Variants in HAPLN4 observed in about 807,000 individuals in gnomAD.
The protein encoded by HAPLN4 is hyaluronan and proteoglycan link protein 4.
Under a neutral mutation model 28.0 loss-of-function variants are expected in HAPLN4, and 19 were observed. The observed-to-expected ratio is 0.68, with a 90% CI of 0.47 to 1.00. The LOEUF (loss-of-function observed/expected upper bound fraction) is 1.00. Among genes scored for constraint, HAPLN4 ranks in the 50% least tolerant of loss-of-function variants. The pLI is 0.00. For synonymous variants in HAPLN4, 274 were observed against 273.0 expected (o/e 1.00, Z -0.03); for missense variants, 587 against 602.6 (o/e 0.97, Z 0.27).
intron 1 of HAPLN4, 21 bp downstream of exon 1, chr19:19,262,709 C>G (rs772525584): frequency 1.2e-6 from 2 of 1,612,298 alleles, no homozygotes; most frequent in Non-Finnish European, 1.7e-6. Context: ...ACACACCACC[C>G]GCGCCCGCAG....
Position 19,258,408 on chromosome 19 carries a change from C to T in HAPLN4, c.817+115G>A, listed in dbSNP as rs1261778012. The T allele has an allele frequency of 1.3e-5, 16 of 1,201,884 alleles. No individual in the cohort carries two copies. The highest frequency in any genetic ancestry group is 1.8e-5 in the Non-Finnish European group (15 of 854,626). The allele number at this position is 1,201,884 out of a possible 1,614,324, so 74.5% of individuals were successfully genotyped here. Reference sequence around the variant, plus strand: ...CCAGGCGGTGTGTGCTGCGCCTAGGCACTCTTGGGAGAGGGGTCTCCTGTT... The same window carrying T: ...CCAGGCGGTGTGTGCTGCGCCTAGGTACTCTTGGGAGAGGGGTCTCCTGTT... On this transcript the variant is annotated intron_variant, in intron 4 of 4. Transcript: ENST00000291481. This position sits in a 1 kb window ranked among gnomAD's most constrained non-coding sequence, Gnocchi z 6.2.
Position 19,258,225 on chromosome 19 carries a change from GGGGGT to G in HAPLN4, c.818-22_818-18del, listed in dbSNP as rs1369316735. ...ACACGCGCCCTGCGGGGGTGAGGTG[GGGGGT>G]GGGTTATTAGTGCGGCTCCTGGGAC... On this transcript the variant is annotated intron_variant, in intron 4 of 4. Coordinates refer to ENST00000291481, the MANE Select transcript of HAPLN4 (RefSeq NM_023002.3). This position sits in a 1 kb window ranked among gnomAD's most constrained non-coding sequence, Gnocchi z 6.2. 1 of 1,466,682 alleles carries G rather than the reference GGGGGT, an allele frequency of 6.8e-7. No individual in the cohort carries two copies. The highest frequency in any genetic ancestry group is 2.5e-5 in the East Asian group (1 of 40,134). The allele number at this position is 1,466,682 out of a possible 1,614,324, so 90.9% of individuals were successfully genotyped here.
At position 19,260,802 on chromosome 19, in the gene HAPLN4, C is replaced by T. The variant is rs763710694; in HGVS notation, c.484+11G>A. ...CAGAAGCAAGGTTTATCCTCCCCAC[C>T]GGCTGATCACCTTCCAGGTCCAGCT... is the stretch of plus-strand genomic sequence containing the variant. On this transcript the variant is annotated intron_variant, in intron 3 of 4. Coordinates refer to ENST00000291481, the MANE Select transcript of HAPLN4 (RefSeq NM_023002.3). 17 of 1,600,700 alleles carry T rather than the reference C, an allele frequency of 1.1e-5. No individual in the cohort carries two copies. In the South Asian group the frequency reaches 1.4e-4, roughly 13 times the overall value.
Position 19,256,000 on chromosome 19 carries a change from CTT to C in HAPLN4, c.*1815_*1816del, listed in dbSNP as rs2060964587. On this transcript the variant is annotated 3_prime_UTR_variant, in exon 5 of 5. Transcript: ENST00000291481. ...GAGGACTTCGGCTGGGTCCTGACCTCTTAGCACAGATCGCCGCTTAGAGCCTG... is the reference window on the plus strand; with the variant it reads ...GAGGACTTCGGCTGGGTCCTGACCTCAGCACAGATCGCCGCTTAGAGCCTG... 1 of 152,222 alleles carries C rather than the reference CTT, an allele frequency of 6.6e-6. No individual in the cohort carries two copies. The highest frequency in any genetic ancestry group is 1.5e-5 in the Non-Finnish European group (1 of 68,050). The allele number at this position is 152,222 out of a possible 1,614,324, so 9.4% of individuals were successfully genotyped here.
chr19:19,262,771 C>A lies in HAPLN4; in HGVS notation c.-39G>T, dbSNP rs1158895897. Reference sequence around the variant, plus strand: ...CCCCCGCCGAGCGGCCCCTACGCACCCGGACTGCGCTCCCCGCACACCCGG... The same window carrying A: ...CCCCCGCCGAGCGGCCCCTACGCACACGGACTGCGCTCCCCGCACACCCGG... On this transcript the variant is annotated 5_prime_UTR_variant, in exon 1 of 5. Transcript: ENST00000291481. The A allele has an allele frequency of 6.2e-7, 1 of 1,604,490 alleles. No individual in the cohort carries two copies. Among genetic ancestry groups the A allele is most frequent in the Non-Finnish European group, 8.5e-7 (1 of 1,175,318 alleles).
rs1252953135 is a variant in HAPLN4 at position 19,258,149 on chromosome 19, ACG to A, written c.875_876del (p.Ala292ValfsTer115). 2 of 1,540,664 alleles carry A rather than the reference ACG, an allele frequency of 1.3e-6. No homozygotes were observed. Among genetic ancestry groups the A allele is most frequent in the East Asian group, 2.4e-5 (1 of 42,458 alleles). On this transcript the variant is annotated frameshift_variant, in exon 5 of 5. Coordinates refer to ENST00000291481, the MANE Select transcript of HAPLN4 (RefSeq NM_023002.3). LOFTEE classifies it low-confidence loss of function (END_TRUNC). The surrounding 1 kb of genome is among the most constrained non-coding windows in gnomAD (Gnocchi z 6.2). ...RPVPFSGAAR[A>X]CAARGAAVAK... The stretch of plus-strand genomic sequence containing the variant: ...GCCACGGCCGCGCCACGCGCAGCAC[ACG>A]CGCGCGCAGCTCCGGAGAAGGGTAC...
chr19:19,261,629 C>G, intron 1 of HAPLN4, 66 bp from the exon 2 acceptor site: 4 of 1,080,970 alleles, frequency 3.7e-6, no homozygotes, highest in Non-Finnish European at 5.1e-6. Context: ...GCCTGGCTCC[C>G]TCCCGGGCCT....
chr19:19,257,000 G>T lies in HAPLN4; in HGVS notation c.*817C>A. 1 of 152,724 alleles carries T rather than the reference G, an allele frequency of 6.5e-6. No individual in the cohort carries two copies. Among genetic ancestry groups the T allele is most frequent in the Non-Finnish European group, 1.5e-5 (1 of 68,054 alleles). 9.5% of individuals were successfully genotyped at this position (152,724 alleles called of 1,614,324 possible). On this transcript the variant is annotated 3_prime_UTR_variant, in exon 5 of 5. Transcript: ENST00000291481. ...TACCGGTCCCCAGGCCTGGGAAGAT[G>T]GTCTGTTTGGTGACAGTTGGGAAAG...
chr19:19,258,866 G>A lies in HAPLN4; in HGVS notation c.485-11C>T, dbSNP rs749525724. ...AGGGAAAGACCACGCCTGGCGGGGG[G>A]CGCACGGGATCAGCAGGTACACCCC... On this transcript the variant is annotated splice_polypyrimidine_tract_variant and intron_variant, in intron 3 of 4. Coordinates refer to ENST00000291481, the MANE Select transcript of HAPLN4 (RefSeq NM_023002.3). The surrounding 1 kb of genome is among the most constrained non-coding windows in gnomAD (Gnocchi z 6.2). 3.9e-6 allele frequency: 6 copies of A among 1,527,424 alleles called. No individual in the cohort carries two copies. Among genetic ancestry groups the A allele is most frequent in the South Asian group, 1.3e-5 (1 of 78,770 alleles). 94.6% of individuals were successfully genotyped at this position (1,527,424 alleles called of 1,614,324 possible).
In HAPLN4 at chr19:19,257,982, G is replaced by T. The variant is rs1489696058; in HGVS notation, c.1044C>A (p.Ser348Arg). Residue 348 changes from serine (S) to arginine (R), a missense_variant, in exon 5 of 5, where the codon AGC (serine) becomes AGA (arginine). Ser to Arg is a moderately radical substitution (Grantham distance 110). Coordinates refer to ENST00000291481, the MANE Select transcript of HAPLN4 (RefSeq NM_023002.3). The stretch of plus-strand genomic sequence containing the variant: ...GTCGGGTGGCGTCCGGGAAGCCGAG[G>T]CTGCGCACACCAGGCCTGCGGCCTC... ...RCGGRRPGVR[S>R]LGFPDATRRL... 2.0e-6 allele frequency: 3 copies of T among 1,516,660 alleles called. No individual in the cohort carries two copies. The South Asian group carries it at 3.7e-5, about 19-fold the overall frequency. The allele number at this position is 1,516,660 out of a possible 1,614,324, so 94.0% of individuals were successfully genotyped here.
Position 19,258,643 on chromosome 19 carries a change from G to A in HAPLN4, c.697C>T (p.Leu233=), listed in dbSNP as rs779666290. 6.2e-7 allele frequency: 1 copy of A among 1,611,588 alleles called. No homozygotes were observed. The highest frequency in any genetic ancestry group is 8.5e-7 in the Non-Finnish European group (1 of 1,178,928). Residue 233 remains leucine, a synonymous_variant, in exon 4 of 5, where the codon CTG becomes TTG. Transcript: ENST00000291481. The surrounding 1 kb of genome is among the most constrained non-coding windows in gnomAD (Gnocchi z 6.2). ...CCCCCTGCACTCCCGGTCCCCCCCA[G>A]GCCGCCGCAGGGCTCCCGGGGCCGG... ...VNRPREPCGG[L]GGTGSAGGGG... is the part of the protein sequence containing the mutation.
In HAPLN4 at chr19:19,257,594, C is replaced by T. The variant is rs888637320; in HGVS notation, c.*223G>A. 1 of 437,780 alleles carries T rather than the reference C, an allele frequency of 2.3e-6. No homozygotes were observed. Among genetic ancestry groups the T allele is most frequent in the Non-Finnish European group, 3.8e-6 (1 of 265,248 alleles). 27.1% of individuals were successfully genotyped at this position (437,780 alleles called of 1,614,324 possible). ...AGAAAGTTGGGGAGTTGGGGGAATCCTCTATCCAGAAGAGGTGAGGGCTGG... is the reference window on the plus strand; with the variant it reads ...AGAAAGTTGGGGAGTTGGGGGAATCTTCTATCCAGAAGAGGTGAGGGCTGG... On this transcript the variant is annotated 3_prime_UTR_variant, in exon 5 of 5. Transcript: ENST00000291481.
rs192283447 is a variant in HAPLN4 at position 19,257,403 on chromosome 19, C to G, written c.*414G>C. 5.8e-6 allele frequency: 1 copy of G among 171,126 alleles called. No individual in the cohort carries two copies. The highest frequency in any genetic ancestry group is 1.2e-5 in the Non-Finnish European group (1 of 81,202). The allele number at this position is 171,126 out of a possible 1,614,324, so 10.6% of individuals were successfully genotyped here. ...CTAGTGTTCAGTCTCCAGTGAGATG[C>G]AGAAGGTGTACGGCCGGTCTCTAGT... On this transcript the variant is annotated 3_prime_UTR_variant, in exon 5 of 5. Transcript: ENST00000291481.
In HAPLN4 at chr19:19,258,781, C is replaced by T. The variant is rs770259089; in HGVS notation, c.559G>A (p.Glu187Lys). ...TFAEAQRACA[E>K]QDGILASAEQ... ...GCAGATGCCAGGATGCCGTCCTGCT[C>T]GGCGCACGCGCGCTGCGCCTCCGCG... The change falls in exon 4 of 5, where the codon GAG becomes AAG. Residue 187 changes from glutamate to lysine, a missense_variant. Transcript: ENST00000291481. This position sits in a 1 kb window ranked among gnomAD's most constrained non-coding sequence, Gnocchi z 6.2. The T allele has an allele frequency of 1.2e-5, 20 of 1,602,092 alleles. No individual in the cohort carries two copies. Among genetic ancestry groups the T allele is most frequent in the Admixed American group, 1.7e-5 (1 of 58,950 alleles).
chr19:19,261,276 G>T, intron 2 of HAPLN4, 101 bp from the exon 3 acceptor site: 1 of 1,353,014 alleles, frequency 7.4e-7, no homozygotes, highest in Non-Finnish European at 1.0e-6. Flanking sequence ...GACTCGGGTG[G>T]GGGTCGGGGA....
rs1221377504 is a variant in HAPLN4, at chr19:19,258,739, C to T, written c.601G>A (p.Ala201Thr). ...ILASAEQLHA[A>T]WRDGLDWCNA... Reference sequence around the variant, plus strand: ...CACCAGTCCAGGCCGTCGCGCCAGGCCGCGTGCAGCTGTTCTGCAGATGCC... The same window carrying T: ...CACCAGTCCAGGCCGTCGCGCCAGGTCGCGTGCAGCTGTTCTGCAGATGCC... Residue 201 changes from alanine to threonine, a missense_variant, in exon 4 of 5, where the codon GCC becomes ACC. Coordinates refer to ENST00000291481, the MANE Select transcript of HAPLN4 (RefSeq NM_023002.3). The surrounding 1 kb of genome is among the most constrained non-coding windows in gnomAD (Gnocchi z 6.2). The T allele has an allele frequency of 6.2e-7, 1 of 1,602,278 alleles. No individual in the cohort carries two copies. Among genetic ancestry groups the T allele is most frequent in the African/African-American group, 1.3e-5 (1 of 74,860 alleles).
In HAPLN4 at chr19:19,261,769, C is replaced by T. The variant is rs1199228338; in HGVS notation, c.4-206G>A. The T allele has an allele frequency of 5.9e-6, 3 of 504,424 alleles. No individual in the cohort carries two copies. The East Asian group carries it at 1.1e-4, about 18-fold the overall frequency. 31.2% of individuals were successfully genotyped at this position (504,424 alleles called of 1,614,324 possible). A position where few individuals can be genotyped will look rare whatever the true frequency, so the allele number is the denominator to read the frequency against. On this transcript the variant is annotated intron_variant, in intron 1 of 4. Coordinates refer to ENST00000291481, the MANE Select transcript of HAPLN4 (RefSeq NM_023002.3). ...CAAGAACCCACGCCCCTAGACTCCC[C>T]CCCGCCCTCAGTCCTGCCCCAGATC...
At chr19:19,261,227 C>CCT (rs773709107) in intron 2 of HAPLN4, 52 bp from the exon 3 acceptor site, 1 of 1,547,858 alleles carries the variant, frequency 6.5e-7, no homozygotes, top group Non-Finnish European at 8.7e-7. Flanking sequence ...CAGAAGGGGG[C>CCT]CTCTGGGGAA....
Position 19,258,233 on chromosome 19 carries a change from G to A in HAPLN4, c.818-25C>T. The A allele has an allele frequency of 6.8e-7, 1 of 1,461,586 alleles. No homozygotes were observed. Among genetic ancestry groups the A allele is most frequent in the Non-Finnish European group, 9.0e-7 (1 of 1,107,146 alleles). The allele number at this position is 1,461,586 out of a possible 1,614,324, so 90.5% of individuals were successfully genotyped here. On this transcript the variant is annotated intron_variant, in intron 4 of 4. Transcript: ENST00000291481. The surrounding 1 kb of genome is among the most constrained non-coding windows in gnomAD (Gnocchi z 6.2). ...CCTGCGGGGGTGAGGTGGGGGGTGG[G>A]TTATTAGTGCGGCTCCTGGGACCCT... is the stretch of plus-strand genomic sequence containing the variant.
Sources: gnomAD v4.1 joint callset for allele counts on GRCh38, gnomAD v4.1.1 for gene constraint, Gnocchi (gnomAD v3.1) non-coding constraint, MANE v1.5 for transcripts, NCBI Gene and HGNC (gene_info 2026-07-23, HGNC 2026-07-21) for gene names.